The following PCDHA2 variants were observed in gnomAD, a reference collection of about 807,000 sequenced individuals.
PCDHA2 encodes protocadherin alpha-2.
PCDHA2 carries 58 observed loss-of-function variants against 66.0 expected under a neutral mutation model. The observed-to-expected ratio is 0.88, with a 90% CI of 0.71 to 1.09. The LOEUF (loss-of-function observed/expected upper bound fraction) is 1.09, where lower values mean the gene tolerates loss of function less well. Ranked by LOEUF, PCDHA2 falls within the 50% of genes least tolerant of loss-of-function variation. The probability of loss-of-function intolerance (pLI) is 0.00; values close to 1 mark genes in which losing one functional copy is unlikely to be tolerated. For synonymous variants in PCDHA2, 634 were observed against 554.0 expected (o/e 1.14, Z -2.03); for missense variants, 1,267 against 1,242.3 (o/e 1.02, Z -0.30).
rs992640978 is a variant in PCDHA2 at position 140,796,019 on chromosome 5, T to C, written c.1055T>C (p.Ile352Thr). 4 of 1,614,054 alleles carry C rather than the reference T, an allele frequency of 2.5e-6. No individual in the cohort carries two copies. In the African/African-American group the frequency reaches 4.0e-5, roughly 16 times the overall value. ...DINDNTPEVS[I>T]TSLSLPISEN... ...AATGATAACACACCAGAAGTCTCAA[T>C]AACGTCTCTCTCACTTCCCATCTCA... Residue 352 changes from isoleucine to threonine, a missense_variant, in exon 1 of 4, where the codon ATA becomes ACA. Physicochemically the swap from Ile to Thr is moderately conservative, Grantham distance 89 (BLOSUM62 -1). Transcript: ENST00000526136.
chr5:140,835,890 G>A (rs147416989), intron 1 of PCDHA2: 18 of 1,611,850 alleles, frequency 1.1e-5, no homozygotes, highest in Non-Finnish European at 1.4e-5. Context: ...GGGCGAGCGC[G>A]CGCTGTCGAG....
At position 140,838,838 on chromosome 5, in the gene PCDHA2, C is replaced by T. The variant is rs1484620027; in HGVS notation, c.2388+41486C>T. Among the ~76,000 whole-genome samples the T allele has an allele frequency of 2.0e-5, 3 of 151,902 alleles. No homozygotes were observed. In the East Asian group the frequency reaches 5.8e-4, roughly 29 times the overall value. On this transcript the variant is annotated intron_variant, in intron 1 of 3. Coordinates refer to ENST00000526136, the MANE Select transcript of PCDHA2 (RefSeq NM_018905.3). ...TCAAGAAACTGAGGTGGGAGGATCACTTAAGCCAGGGAGGTCCAAGCTGCA... is the reference window on the plus strand; with the variant it reads ...TCAAGAAACTGAGGTGGGAGGATCATTTAAGCCAGGGAGGTCCAAGCTGCA...
chr5:140,821,780 T>C (rs2150110627), intron 1 of PCDHA2: 2 of 1,609,478 alleles, frequency 1.2e-6, no homozygotes, highest in Admixed American at 1.7e-5. Flanking sequence ...ATTGAGATGG[T>C]ATATTCCCGG....
chr5:140,797,354 T>A lies in PCDHA2; in HGVS notation c.2388+2T>A, dbSNP rs1762215687. On this transcript the variant is annotated splice_donor_variant, in intron 1 of 3. Transcript: ENST00000526136. LOFTEE classifies it high-confidence loss of function. ...TCAGAATCAGAATACGTAGGAAAGG[T>A]GAGTCTTTTACTTTTTCTTGCCAAT... is the stretch of plus-strand genomic sequence containing the variant. The A allele has an allele frequency of 6.2e-7, 1 of 1,613,156 alleles. No individual in the cohort carries two copies. Among genetic ancestry groups the A allele is most frequent in the East Asian group, 2.2e-5 (1 of 44,890 alleles).
At chr5:140,884,547 C>T (rs1554181712) in intron 1 of PCDHA2, 5 of 1,614,214 alleles carry the variant, frequency 3.1e-6, no homozygotes, top group Admixed American at 1.7e-5. Context: ...AGGGTGTGCT[C>T]TGGGGAGGGC....
At chr5:140,841,695 A>C in intron 1 of PCDHA2, 1 of 1,613,932 alleles carries the variant, frequency 6.2e-7, no homozygotes, top group East Asian at 2.2e-5. Flanking sequence ...GAGGTGAAGG[A>C]TGTTAATGAC....
chr5:140,876,728 C>G (rs200398819), intron 1 of PCDHA2: 4 of 1,614,244 alleles, frequency 2.5e-6, no homozygotes, highest in African/African-American at 2.7e-5. Flanking sequence ...GAGAGCGTGT[C>G]GGCCTATGAG....
intron 1 of PCDHA2, among the ~76,000 whole-genome samples, chr5:140,939,224 C>T (rs761211778): frequency 8.5e-5 from 13 of 152,130 alleles, no homozygotes; most frequent in Admixed American, 4.6e-4. Context: ...TGTCTCTTCA[C>T]CTTCTGGAAG....
intron 1 of PCDHA2, chr5:140,803,290 T>G (rs1554122687): frequency 8.7e-6 from 14 of 1,613,920 alleles, no homozygotes; most frequent in Non-Finnish European, 1.2e-5. Flanking sequence ...GATGTCAACG[T>G]GTACTTGATC....
In PCDHA2 at chr5:140,803,021, G is replaced by A. The variant is rs781966718; in HGVS notation, c.2388+5669G>A. 5 of 1,614,014 alleles carry A rather than the reference G, an allele frequency of 3.1e-6. No homozygotes were observed. In the East Asian group the frequency reaches 8.9e-5, roughly 29 times the overall value. Reference sequence around the variant, plus strand: ...ACTCAGGCTACAACGCGTGGCTTTCGTATGAGCTGCAGCCTGGGACCGGCG... The same window carrying A: ...ACTCAGGCTACAACGCGTGGCTTTCATATGAGCTGCAGCCTGGGACCGGCG... On this transcript the variant is annotated intron_variant, in intron 1 of 3. Coordinates refer to ENST00000526136, the MANE Select transcript of PCDHA2 (RefSeq NM_018905.3).
chr5:140,828,622 C>T lies in PCDHA2; in HGVS notation c.2388+31270C>T. 7.4e-6 allele frequency: 12 copies of T among 1,614,144 alleles called. 1 individual carries two copies. In the South Asian group the frequency reaches 1.3e-4, roughly 18 times the overall value. On this transcript the variant is annotated intron_variant, in intron 1 of 3. Transcript: ENST00000526136. ...CCTATAAACTCAGTTCTAGCGAATA[C>T]TTCGGGCTAGATGTGAAAATAAACA...
At chr5:140,875,049 T>C (rs2055250146) in intron 1 of PCDHA2, among the ~76,000 whole-genome samples, 1 of 152,252 alleles carries the variant, frequency 6.6e-6, no homozygotes, top group Non-Finnish European at 1.5e-5. Context: ...ATTTCTACTT[T>C]GAAGCAGAAA....
intron 1 of PCDHA2, among the ~76,000 whole-genome samples, chr5:140,820,849 A>G (rs1417595878): frequency 6.6e-6 from 1 of 152,110 alleles, no homozygotes; most frequent in Non-Finnish European, 1.5e-5. Context: ...ACTTGAAGAA[A>G]TGCTATCTAG....
At chr5:140,982,391 G>T (rs539713475) in intron 2 of PCDHA2, 84 bp from the exon 3 acceptor site, 2 of 1,597,556 alleles carry the variant, frequency 1.3e-6, no homozygotes, top group South Asian at 1.1e-5. Flanking sequence ...TGGCTTCATA[G>T]TTGTAAGCAA....
At chr5:140,968,020 C>G (rs1554230190) in intron 1 of PCDHA2, 1 of 1,614,202 alleles carries the variant, frequency 6.2e-7, no homozygotes, top group Non-Finnish European at 8.5e-7. Context: ...TTGGAAACTC[C>G]TATACACTGG....
rs782607937 is a variant in PCDHA2, at chr5:140,805,105, T to A, written c.2388+7753T>A. 10 of 1,591,374 alleles carry A rather than the reference T, an allele frequency of 6.3e-6. No individual in the cohort carries two copies. In the Admixed American group the frequency reaches 1.7e-4, roughly 27 times the overall value. On this transcript the variant is annotated intron_variant, in intron 1 of 3. Transcript: ENST00000526136. ...AATCCAGCTTGCCTCTTGAAACTAT[T>A]GTCTAACAAGACTCTTGGCAAAGAC...
chr5:141,002,917 T>C (rs572461368), intron 3 of PCDHA2, among the ~76,000 whole-genome samples: 1 of 152,310 alleles, frequency 6.6e-6, no homozygotes, highest in East Asian at 1.9e-4. Context: ...ATCAGAAAAG[T>C]GAACACCCTC....
chr5:140,968,734 C>T, intron 1 of PCDHA2: 1 of 1,614,162 alleles, frequency 6.2e-7, no homozygotes, highest in Non-Finnish European at 8.5e-7. Flanking sequence ...GTAGCACTTT[C>T]AACCTGACCG....
rs1234453098 is a variant in PCDHA2, at chr5:141,010,058, C to A, written c.*121C>A. 2 of 1,600,982 alleles carry A rather than the reference C, an allele frequency of 1.2e-6. No homozygotes were observed. The highest frequency in any genetic ancestry group is 1.7e-6 in the Non-Finnish European group (2 of 1,173,736). Reference sequence around the variant, plus strand: ...GAGCCCTCTTAGAGACCTCAGAAATCTGCAGAAAGTTCCCTGTGTCTGTCT... The same window carrying A: ...GAGCCCTCTTAGAGACCTCAGAAATATGCAGAAAGTTCCCTGTGTCTGTCT... On this transcript the variant is annotated 3_prime_UTR_variant, in exon 4 of 4. Transcript: ENST00000526136.
Sources: gnomAD v4.1 joint callset for allele counts (sites outside exome capture counted in the v4.1 genomes callset) on GRCh38, gnomAD v4.1.1 for gene constraint, MANE v1.5 for transcripts, NCBI Gene and HGNC (gene_info 2026-07-23, HGNC 2026-07-21) for gene names.